PTER: variants seen among roughly 807,000 people sequenced by gnomAD.
PTER encodes N-acetyltaurine hydrolase.
Under a neutral mutation model 29.6 loss-of-function variants are expected in PTER, and 38 were observed. The ratio of observed to expected loss-of-function variants is 1.28; its 90% confidence interval spans 0.99 to 1.68. The LOEUF is 1.68. Among genes scored for constraint, PTER ranks in the 40% most tolerant of loss-of-function variants. PTER has a pLI of 0.00. For missense variants in PTER, 482 were observed against 427.8 expected (o/e 1.13, Z -1.12); for synonymous variants, 172 against 154.5 (o/e 1.11, Z -0.84).
At chr10:16,485,916 G>A (rs1214044492) in intron 2 of PTER, among the ~76,000 whole-genome samples, 1 of 152,112 alleles carries the variant, frequency 6.6e-6, no homozygotes, top group Non-Finnish European at 1.5e-5. Flanking sequence ...GTAACATGGT[G>A]AGACCTCTGC....
At chr10:16,515,512 AAT>A (rs1487444399), downstream of PTER, among the ~76,000 whole-genome samples, 2 of 152,212 alleles carry the variant, frequency 1.3e-5, no homozygotes, top group African/African-American at 4.8e-5. Context: ...GATTTCGTTG[AAT>A]ATCCACTTAC....
chr10:16,509,891 G>C lies in PTER; in HGVS notation c.840-1155G>C, dbSNP rs376440810. ...TCCATTATAATTTATTTTAAAATAT[G>C]TGTTCTCAGAGGGCAGGGCTTTGTG... On this transcript the variant is annotated intron_variant, in intron 4 of 4. Transcript: ENST00000535784. Among the ~76,000 whole-genome samples the C allele has an allele frequency of 9.9e-5, 15 of 152,214 alleles. No individual in the cohort carries two copies. The East Asian group carries it at 1.7e-3, about 18-fold the overall frequency.
At chr10:16,448,525 C>T (rs1834094688) in intron 1 of PTER, among the ~76,000 whole-genome samples, 1 of 152,154 alleles carries the variant, frequency 6.6e-6, no homozygotes, top group Non-Finnish European at 1.5e-5. Context: ...AAAGGAATAT[C>T]TCGACAGGCC....
chr10:16,502,716 C>T (rs1016668945), intron 3 of PTER, among the ~76,000 whole-genome samples: 17 of 151,904 alleles, frequency 1.1e-4, no homozygotes, highest in Non-Finnish European at 2.4e-4. Context: ...TGATCAGGTG[C>T]GGTGGCTCAC....
intron 3 of PTER, among the ~76,000 whole-genome samples, chr10:16,490,337 G>T (rs1235634283): frequency 6.6e-6 from 1 of 152,010 alleles, no homozygotes; most frequent in Non-Finnish European, 1.5e-5. Flanking sequence ...ACTAGCCAGG[G>T]ACCATCTGTA....
At chr10:16,463,479 G>A (rs1175637823) in intron 1 of PTER, among the ~76,000 whole-genome samples, 3 of 152,046 alleles carry the variant, frequency 2.0e-5, no homozygotes, top group Non-Finnish European at 2.9e-5. Context: ...TGGCAGGCGC[G>A]ATCTTGGCTA....
At chr10:16,484,913 C>T (rs528914052) in intron 2 of PTER, 97 bp downstream of exon 2, 485 of 1,331,676 alleles carry the variant, frequency 3.6e-4, no homozygotes, top group Non-Finnish European at 4.7e-4. Flanking sequence ...GGGCATGCTA[C>T]GGAAATTTGC....
At chr10:16,504,056 T>C (rs1390287290) in intron 3 of PTER, among the ~76,000 whole-genome samples, 1 of 152,218 alleles carries the variant, frequency 6.6e-6, no homozygotes, top group Non-Finnish European at 1.5e-5. Context: ...AATGTCTTCC[T>C]TCCCTTCATG....
intron 1 of PTER, among the ~76,000 whole-genome samples, chr10:16,477,683 AT>A (rs1273129696): frequency 1.1e-4 from 16 of 152,184 alleles, no homozygotes; most frequent in Admixed American, 2.0e-4. Context: ...CCACACAGCT[AT>A]TTAGTGAAGA....
At position 16,464,833 on chromosome 10, in the gene PTER, C is replaced by T. The variant is rs1241163113; in HGVS notation, c.-48-19504C>T. On this transcript the variant is annotated intron_variant, in intron 1 of 4. Transcript: ENST00000535784. ...GCTCCAGATAAAGACATACCTGAGA[C>T]TGGGTAATTTATAAAGAAAGGAGGT... Among the ~76,000 whole-genome samples, 6 of 152,136 alleles carry T rather than the reference C, an allele frequency of 3.9e-5. No individual in the cohort carries two copies. In the South Asian group the frequency reaches 6.2e-4, roughly 16 times the overall value.
intron 1 of PTER, among the ~76,000 whole-genome samples, chr10:16,476,500 AG>A (rs755233674): frequency 1.3e-5 from 2 of 152,242 alleles, no homozygotes; most frequent in African/African-American, 2.4e-5. Context: ...AGTCATGAGA[AG>A]CTTTTAAATG....
At chr10:16,463,140 C>T (rs28662785) in intron 1 of PTER, among the ~76,000 whole-genome samples, 32,315 of 148,524 alleles carry the variant, frequency 0.22, 3,719 homozygotes, top group Middle Eastern at 0.38. Context: ...TTGCAGTGAG[C>T]CAAGATTGTT....
intron 1 of PTER, among the ~76,000 whole-genome samples, chr10:16,440,140 A>T (rs1833795744): frequency 6.9e-6 from 1 of 144,574 alleles, no homozygotes; most frequent in Non-Finnish European, 1.5e-5. Context: ...ATCTTGACTC[A>T]CTGCAACCTC....
chr10:16,451,144 T>A (rs1834194728), intron 1 of PTER, among the ~76,000 whole-genome samples: 1 of 152,106 alleles, frequency 6.6e-6, no homozygotes, highest in African/African-American at 2.4e-5. Flanking sequence ...TGTTTGAGGG[T>A]AGAAAGCCTC....
At chr10:16,469,226 G>T (rs1035862901) in intron 1 of PTER, among the ~76,000 whole-genome samples, 15 of 152,156 alleles carry the variant, frequency 9.9e-5, no homozygotes, top group Non-Finnish European at 2.9e-5. Flanking sequence ...GCAGAAACCT[G>T]CTCAGAGACC....
At chr10:16,449,479 AG>A (rs1323899377) in intron 1 of PTER, among the ~76,000 whole-genome samples, 1 of 114,432 alleles carries the variant, frequency 8.7e-6, no homozygotes, top group Admixed American at 1.3e-4. Context: ...TCCGTCGCCC[AG>A]GGTACAGTGC....
intron 1 of PTER, among the ~76,000 whole-genome samples, chr10:16,476,901 C>CTTTTTTT (rs1010674988): frequency 6.0e-5 from 6 of 100,360 alleles, no homozygotes; most frequent in Admixed American, 1.0e-4. Context: ...TCCTAGAATT[C>CTTTTTTT]TTTTTTTTTT....
At chr10:16,439,836 T>A (rs1406486373) in intron 1 of PTER, among the ~76,000 whole-genome samples, 1 of 152,188 alleles carries the variant, frequency 6.6e-6, no homozygotes, top group Non-Finnish European at 1.5e-5. Flanking sequence ...CTGTTGAGAT[T>A]ACAGGCGTGA....
chr10:16,460,406 C>A (rs1237942617), intron 1 of PTER, among the ~76,000 whole-genome samples: 1 of 152,146 alleles, frequency 6.6e-6, no homozygotes, highest in Non-Finnish European at 1.5e-5. Context: ...ATTAAGGATT[C>A]CATTTTAGCA....
Sources: gnomAD v4.1 joint callset for allele counts (sites outside exome capture counted in the v4.1 genomes callset) on GRCh38, gnomAD v4.1.1 for gene constraint, MANE v1.5 for transcripts, NCBI Gene and HGNC (gene_info 2026-07-23, HGNC 2026-07-21) for gene names.